The following KLF13 variants were observed in gnomAD, a reference collection of about 807,000 sequenced individuals.
KLF13 encodes Krueppel-like factor 13.
A neutral mutation model predicts 16.7 loss-of-function variants in KLF13; 8 were observed. The observed-to-expected ratio is 0.48, with a 90% CI of 0.28 to 0.87. KLF13 has a LOEUF of 0.87. Ranked by LOEUF, KLF13 falls within the 40% of genes least tolerant of loss-of-function variation. KLF13 has a pLI of 0.10. For synonymous variants in KLF13, 245 were observed against 208.4 expected (o/e 1.18, Z -1.51); for missense variants, 447 against 452.2 (o/e 0.99, Z 0.10).
At chr15:31,354,378 T>A (rs879442147) in intron 1 of KLF13, among the ~76,000 whole-genome samples, 2 of 152,150 alleles carry the variant, frequency 1.3e-5, no homozygotes, top group African/African-American at 2.4e-5. Context: ...AATAGTTTTG[T>A]AATTTTTGTT....
intron 1 of KLF13, among the ~76,000 whole-genome samples, chr15:31,328,884 G>T (rs2038774144): frequency 6.6e-6 from 1 of 152,210 alleles, no homozygotes; most frequent in African/African-American, 2.4e-5. Context: ...TACCTTGGGG[G>T]CAGGCTCAAA....
chr15:31,357,762 G>A (rs2039322917), intron 1 of KLF13, among the ~76,000 whole-genome samples: 1 of 152,180 alleles, frequency 6.6e-6, no homozygotes, highest in South Asian at 2.1e-4. Context: ...GAAAGACCTT[G>A]TGTCCACAGC....
intron 1 of KLF13, among the ~76,000 whole-genome samples, chr15:31,364,798 T>C (rs2039440646): frequency 6.6e-6 from 1 of 152,226 alleles, no homozygotes; most frequent in African/African-American, 2.4e-5. Context: ...GCTTCCAACC[T>C]GGACTTCCTG....
upstream of KLF13, among the ~76,000 whole-genome samples, chr15:31,390,580 G>T (rs948847732): frequency 6.6e-6 from 1 of 152,112 alleles, no homozygotes; most frequent in African/African-American, 2.4e-5. Flanking sequence ...CTGCACTTTT[G>T]TTCAGATATT....
intron 1 of KLF13, among the ~76,000 whole-genome samples, chr15:31,359,116 A>G (rs1005604759): frequency 2.0e-5 from 3 of 152,080 alleles, no homozygotes; most frequent in African/African-American, 7.2e-5. Context: ...CACTTGCACA[A>G]TCCATGATCT....
upstream of KLF13, among the ~76,000 whole-genome samples, chr15:31,388,503 A>G (rs1274733864): frequency 1.3e-5 from 2 of 151,452 alleles, no homozygotes; most frequent in Non-Finnish European, 2.9e-5. Flanking sequence ...AATCCCTCTC[A>G]GCTACTCAGG....
At position 31,372,403 on chromosome 15, in the gene KLF13, A is replaced by G; in HGVS notation, c.*104A>G. The G allele has an allele frequency of 1.6e-6, 2 of 1,265,446 alleles. No homozygotes were observed. The highest frequency in any genetic ancestry group is 1.0e-6 in the Non-Finnish European group (1 of 980,916). 78.4% of individuals were successfully genotyped at this position (1,265,446 alleles called of 1,614,324 possible). A position where few individuals can be genotyped will look rare whatever the true frequency, so the allele number is the denominator to read the frequency against. On this transcript the variant is annotated 3_prime_UTR_variant, in exon 2 of 2. Transcript: ENST00000307145. ...GAGAACTTGATGCAAAGTCCACGAA[A>G]AAACAATTTTTTTCACCTCAGGTGT... is the stretch of plus-strand genomic sequence containing the variant.
At chr15:31,332,183 G>A (rs2038845420) in intron 1 of KLF13, among the ~76,000 whole-genome samples, 1 of 152,156 alleles carries the variant, frequency 6.6e-6, no homozygotes, top group Non-Finnish European at 1.5e-5. Flanking sequence ...GATAAGTGTT[G>A]GTTAAATGTG....
At chr15:31,429,206 C>T (rs866061724) in intron 1 of KLF13, among the ~76,000 whole-genome samples, 1 of 119,900 alleles carries the variant, frequency 8.3e-6, no homozygotes, top group Non-Finnish European at 1.5e-5. Flanking sequence ...TTCAGTGCAG[C>T]GTTTTCAGGT....
Position 31,327,287 on chromosome 15 carries a change from C to T in KLF13, c.75C>T (p.His25=), listed in dbSNP as rs769102504. Residue 25 remains histidine, a synonymous_variant, in exon 1 of 2, where the codon CAC becomes CAT. Coordinates refer to ENST00000307145, the MANE Select transcript of KLF13 (RefSeq NM_015995.4). The stretch of plus-strand genomic sequence containing the variant: ...CCATGTCGAGCCGCGCGGTCGTGCA[C>T]GGGCCGCGGGAGGGGCCGGAGTCCC... The part of the protein sequence containing the change: ...LVSMSSRAVV[H]GPREGPESRP... 8 of 1,321,040 alleles carry T rather than the reference C, an allele frequency of 6.1e-6. No homozygotes were observed. The South Asian group carries it at 7.5e-5, about 12-fold the overall frequency. 81.8% of individuals were successfully genotyped at this position (1,321,040 alleles called of 1,614,324 possible). A position where few individuals can be genotyped will look rare whatever the true frequency, so the allele number is the denominator to read the frequency against.
intron 1 of KLF13, among the ~76,000 whole-genome samples, chr15:31,342,718 C>A (rs927623339): frequency 6.6e-6 from 1 of 152,132 alleles, no homozygotes; most frequent in Non-Finnish European, 1.5e-5. Flanking sequence ...TCTTTATTTT[C>A]TTTCTTTTTT....
At chr15:31,418,481 T>A (rs74010628) in intron 1 of KLF13, among the ~76,000 whole-genome samples, 7,887 of 152,156 alleles carry the variant, frequency 0.052, 747 homozygotes, top group African/African-American at 0.18. Flanking sequence ...TATACTTTAG[T>A]AACAGTGTTC....
At chr15:31,346,679 T>C (rs1327301908) in intron 1 of KLF13, among the ~76,000 whole-genome samples, 2 of 152,230 alleles carry the variant, frequency 1.3e-5, no homozygotes. Context: ...CTTTCTCTTT[T>C]AAAGGCATCA....
At chr15:31,340,375 C>T (rs2039001164) in intron 1 of KLF13, among the ~76,000 whole-genome samples, 1 of 152,252 alleles carries the variant, frequency 6.6e-6, no homozygotes, top group Admixed American at 6.5e-5. Context: ...CCCAAGCCTC[C>T]TGGCCTTTCC....
chr15:31,379,445 GAAA>G (rs112382077), downstream of KLF13, among the ~76,000 whole-genome samples: 7 of 143,312 alleles, frequency 4.9e-5, no homozygotes, highest in South Asian at 1.1e-3. Context: ...ATATTGACAG[GAAA>G]AAAAAAAAGC....
At chr15:31,378,943 C>T (rs1566826984), downstream of KLF13, among the ~76,000 whole-genome samples, 1 of 152,178 alleles carries the variant, frequency 6.6e-6, no homozygotes, top group Non-Finnish European at 1.5e-5. Flanking sequence ...TGGTCTCAAA[C>T]CCTTGACCTC....
chr15:31,414,509 T>A (rs2040233341), intron 1 of KLF13, among the ~76,000 whole-genome samples: 1 of 152,092 alleles, frequency 6.6e-6, no homozygotes, highest in Non-Finnish European at 1.5e-5. Flanking sequence ...TACAAATAGA[T>A]TGACAGTAAA....
chr15:31,402,043 G>A lies in KLF13; in HGVS notation n.530-1385G>A, dbSNP rs547173501. Among the ~76,000 whole-genome samples, 14 of 152,362 alleles carry A rather than the reference G, an allele frequency of 9.2e-5. No homozygotes were observed. The East Asian group carries it at 1.2e-3, about 13-fold the overall frequency. ...CCATCCACTTCGCAGAATGCAGAGC[G>A]TGCCCGAGGAGAAGTGGGGTCTGGG... On this transcript the variant is annotated intron_variant and non_coding_transcript_variant, in intron 2 of 2. Coordinates refer to the KLF13 transcript ENST00000500533.
Position 31,383,491 on chromosome 15 carries a change from G to A in KLF13, n.224-51879G>A, listed in dbSNP as rs181122823. On this transcript the variant is annotated intron_variant and non_coding_transcript_variant, in intron 1 of 1. Coordinates refer to the KLF13 transcript ENST00000558921. Reference sequence around the variant, plus strand: ...GAGAGGCACACATAGGAGTGTCAGCGATGATGACAGCCTAGTGCTGAGGAC... The same window carrying A: ...GAGAGGCACACATAGGAGTGTCAGCAATGATGACAGCCTAGTGCTGAGGAC... 1.9e-3 allele frequency among the ~76,000 whole-genome samples: 294 copies of A among 151,798 alleles called. 1 individual carries two copies. Among genetic ancestry groups the A allele is most frequent in the African/African-American group, 6.3e-3 (257 of 41,040 alleles).
Sources: allele counts gnomAD v4.1 joint callset (sites outside exome capture counted in the v4.1 genomes callset), GRCh38; gene constraint gnomAD v4.1.1; transcripts MANE v1.5; gene names NCBI Gene and HGNC (gene_info 2026-07-23, HGNC 2026-07-21).